Variants in PCNX2 observed in about 807,000 individuals in gnomAD.
PCNX2 encodes pecanex-like protein 2.
In PCNX2, 168 loss-of-function variants were observed where a neutral mutation model predicts 223.8. The ratio of observed to expected loss-of-function variants is 0.75; its 90% CI spans 0.66 to 0.85. PCNX2 has a LOEUF of 0.85. PCNX2 is among the 40% of genes least tolerant of loss of function. The pLI is 0.00. For missense variants in PCNX2, 2,507 were observed against 2,675.5 expected (o/e 0.94, Z 1.39); for synonymous variants, 1,006 against 1,052.6 (o/e 0.96, Z 0.86).
intron 8 of PCNX2, among the ~76,000 whole-genome samples, chr1:233,247,990 T>C (rs752777057): frequency 7.2e-5 from 11 of 151,818 alleles, no homozygotes; most frequent in Admixed American, 3.9e-4. Flanking sequence ...AAAGAGCAGA[T>C]AGTCAAAGAC....
Position 233,034,477 on chromosome 1 carries a change from C to T in PCNX2, c.4352-9078G>A, listed in dbSNP as rs533437947. The stretch of plus-strand genomic sequence containing the variant: ...AGAAATAAATGTTTGTTGTCTAAGC[C>T]GCCCAGTCTATGGTATAGTTGATGC... On this transcript the variant is annotated intron_variant, in intron 25 of 33. Coordinates refer to ENST00000258229, the MANE Select transcript of PCNX2 (RefSeq NM_014801.4). 7.9e-4 allele frequency among the ~76,000 whole-genome samples: 120 copies of T among 152,294 alleles called. 1 individual carries two copies. The highest frequency in any genetic ancestry group is 6.7e-3 in the Admixed American group (102 of 15,302).
At chr1:233,303,212 C>A in the PCNX2 span, among the ~76,000 whole-genome samples, 2 of 152,106 alleles carry the variant, frequency 1.3e-5, no homozygotes, top group Non-Finnish European at 2.9e-5. Flanking sequence ...AGAGGACTTT[C>A]TACAGAACTA....
In PCNX2 at chr1:233,057,231, C is replaced by A; in HGVS notation, c.4135+1G>T. 1.3e-6 allele frequency: 2 copies of A among 1,596,122 alleles called. No individual in the cohort carries two copies. Among genetic ancestry groups the A allele is most frequent in the Non-Finnish European group, 1.7e-6 (2 of 1,165,770 alleles). Reference sequence around the variant, plus strand: ...GAAAAAGAGAGAAGAGATCTTCTTACCTGGATCTCTTTCAATTTGGACTGC... The same window carrying A: ...GAAAAAGAGAGAAGAGATCTTCTTAACTGGATCTCTTTCAATTTGGACTGC... On this transcript the variant is annotated splice_donor_variant, in intron 24 of 33. Coordinates refer to ENST00000258229, the MANE Select transcript of PCNX2 (RefSeq NM_014801.4). LOFTEE classifies it high-confidence loss of function.
In PCNX2 at chr1:232,986,453, A is replaced by G. The variant is rs755131644; in HGVS notation, c.5879T>C (p.Leu1960Ser). ...CTGGAGGAATGTTTGGCGGCTCTCT[A>G]AGATGGGGCCAGATGAGCTCAGCAT... is the stretch of plus-strand genomic sequence containing the variant. ...PPMLSSSGPILESRQTFLQTS... is the reference protein window; with the variant it reads ...PPMLSSSGPISESRQTFLQTS... The change falls in exon 33 of 34, where the codon TTA (leucine) becomes TCA (serine). Residue 1960 changes from leucine (L) to serine (S), a missense_variant. Coordinates refer to ENST00000258229, the MANE Select transcript of PCNX2 (RefSeq NM_014801.4). 34 of 1,607,270 alleles carry G rather than the reference A, an allele frequency of 2.1e-5. No homozygotes were observed. The highest frequency in any genetic ancestry group is 2.8e-5 in the Non-Finnish European group (33 of 1,176,858).
chr1:233,274,377 T>C (rs949906802), intron 1 of PCNX2, among the ~76,000 whole-genome samples: 1 of 152,144 alleles, frequency 6.6e-6, no homozygotes, highest in Non-Finnish European at 1.5e-5. Flanking sequence ...ATCCCTCCAG[T>C]GGTGACAACC....
At chr1:233,103,503 T>C (rs1674606560) in intron 21 of PCNX2, among the ~76,000 whole-genome samples, 1 of 152,116 alleles carries the variant, frequency 6.6e-6, no homozygotes, top group Non-Finnish European at 1.5e-5. Context: ...TTGTTTTGAT[T>C]TGTACATCCC....
intron 23 of PCNX2, among the ~76,000 whole-genome samples, chr1:233,089,082 C>T (rs1673744639): frequency 6.6e-6 from 1 of 152,128 alleles, no homozygotes; most frequent in Admixed American, 6.5e-5. Context: ...TTTTATAAAC[C>T]ATCTCTCGGG....
chr1:233,059,113 A>T (rs1672305515), intron 23 of PCNX2, among the ~76,000 whole-genome samples: 1 of 151,776 alleles, frequency 6.6e-6, no homozygotes, highest in Non-Finnish European at 1.5e-5. Flanking sequence ...CTACTTAGGG[A>T]TCCCTTTCCA....
chr1:233,152,613 C>A (rs561287121), intron 19 of PCNX2, among the ~76,000 whole-genome samples: 51 of 152,158 alleles, frequency 3.4e-4, no homozygotes, highest in African/African-American at 1.0e-3. Context: ...TTAATTACTG[C>A]GCAAATTCTG....
chr1:233,179,126 C>A lies in PCNX2; in HGVS notation c.3116G>T (p.Gly1039Val), dbSNP rs775997416. Residue 1039 changes from glycine (G) to valine (V), a missense_variant, in exon 16 of 34, where the codon GGC becomes GTC. Gly to Val is a moderately radical substitution (Grantham distance 109). Transcript: ENST00000258229. The stretch of plus-strand genomic sequence containing the variant: ...ATGGTAAGAAAGGGCGACCAAGAGG[C>A]CACAGAAGGCCGAAAACAGTGCCGG... The part of the protein sequence containing the change: ...HIPALFSAFC[G>V]LLVALSYHLS... 9 of 1,613,760 alleles carry A rather than the reference C, an allele frequency of 5.6e-6. No homozygotes were observed. Among genetic ancestry groups the A allele is most frequent in the Non-Finnish European group, 7.6e-6 (9 of 1,179,830 alleles).
intron 23 of PCNX2, among the ~76,000 whole-genome samples, chr1:233,059,304 C>T (rs1217495879): frequency 6.6e-6 from 1 of 152,214 alleles, no homozygotes; most frequent in Non-Finnish European, 1.5e-5. Context: ...TCAATCATAA[C>T]AATGGCAGCT....
intron 25 of PCNX2, among the ~76,000 whole-genome samples, chr1:233,052,686 T>C (rs4649431): frequency 1 from 152,075 of 152,286 alleles, 75,933 homozygotes; most frequent in Middle Eastern, 1. Context: ...GGGGGCTTCA[T>C]TTCTGTATTC....
chr1:233,181,504 G>A (rs891203018), intron 15 of PCNX2, among the ~76,000 whole-genome samples: 1 of 152,078 alleles, frequency 6.6e-6, no homozygotes, highest in Non-Finnish European at 1.5e-5. Context: ...GCCAGTTGCT[G>A]ACATCTTTAA....
chr1:232,993,485 T>C (rs1178447687), intron 32 of PCNX2, among the ~76,000 whole-genome samples: 1 of 152,166 alleles, frequency 6.6e-6, no homozygotes, highest in East Asian at 1.9e-4. Context: ...AAGAGATGGT[T>C]TGGAAGTACA....
chr1:233,000,215 G>T lies in PCNX2; in HGVS notation c.5328+90C>A. On this transcript the variant is annotated intron_variant, in intron 30 of 33. Transcript: ENST00000258229. This position sits in a 1 kb window ranked among gnomAD's most constrained non-coding sequence, Gnocchi z 4.6. ...AGGATGCTGGCACAGAGACTCCTGT[G>T]TCAGTGCCCCCCTGCCCACCACCAT... The T allele has an allele frequency of 8.0e-7, 1 of 1,255,172 alleles. No individual in the cohort carries two copies. Among genetic ancestry groups the T allele is most frequent in the Non-Finnish European group, 1.2e-6 (1 of 857,470 alleles). 77.8% of individuals were successfully genotyped at this position (1,255,172 alleles called of 1,614,324 possible). A position where few individuals can be genotyped will look rare whatever the true frequency, so the allele number is the denominator to read the frequency against.
rs1252498837 is a variant in PCNX2, at chr1:233,001,763, A to G, written c.4953-82T>C. The G allele has an allele frequency of 1.6e-6, 2 of 1,277,050 alleles. No homozygotes were observed. Among genetic ancestry groups the G allele is most frequent in the Non-Finnish European group, 2.1e-6 (2 of 971,510 alleles). 79.1% of individuals were successfully genotyped at this position (1,277,050 alleles called of 1,614,324 possible). A position where few individuals can be genotyped will look rare whatever the true frequency, so the allele number is the denominator to read the frequency against. On this transcript the variant is annotated intron_variant, in intron 28 of 33. Coordinates refer to ENST00000258229, the MANE Select transcript of PCNX2 (RefSeq NM_014801.4). This position sits in a 1 kb window ranked among gnomAD's most constrained non-coding sequence, Gnocchi z 4.2. Reference sequence around the variant, plus strand: ...CAAAGTTTGAGTCTCCCATTTGTCTAAGAATTATCTTAACATTTAGGCTGA... The same window carrying G: ...CAAAGTTTGAGTCTCCCATTTGTCTGAGAATTATCTTAACATTTAGGCTGA...
At chr1:233,140,698 G>C (rs1317467722) in intron 19 of PCNX2, among the ~76,000 whole-genome samples, 2 of 152,186 alleles carry the variant, frequency 1.3e-5, no homozygotes, top group East Asian at 3.8e-4. Context: ...GGCGTGAGTG[G>C]TCAGAGCACA....
the PCNX2 span, among the ~76,000 whole-genome samples, chr1:233,319,039 A>C: frequency 6.6e-6 from 1 of 151,846 alleles, no homozygotes; most frequent in Non-Finnish European, 1.5e-5. Flanking sequence ...AACCCTCCTC[A>C]CTGATACCCA....
At position 233,198,941 on chromosome 1, in the gene PCNX2, T is replaced by G; in HGVS notation, c.3064A>C (p.Lys1022Gln). Residue 1022 changes from lysine to glutamine, a missense_variant and splice_region_variant, in exon 15 of 34, where the codon AAG becomes CAG. Transcript: ENST00000258229. Reference protein sequence around the residue: ...LLHAVCFSAVKEPWSMQHIPA... With the variant: ...LLHAVCFSAVQEPWSMQHIPA... ...GGGCCCATGGTCCTCACACCTACCT[T>G]CACTGCACTGAAGCAGACTGCGTGG... The G allele has an allele frequency of 1.2e-6, 2 of 1,602,588 alleles. No individual in the cohort carries two copies. The highest frequency in any genetic ancestry group is 1.7e-6 in the Non-Finnish European group (2 of 1,174,920).
Sources: gnomAD v4.1 joint callset for allele counts (sites outside exome capture counted in the v4.1 genomes callset) on GRCh38, gnomAD v4.1.1 for gene constraint, Gnocchi (gnomAD v3.1) non-coding constraint, MANE v1.5 for transcripts, NCBI Gene and HGNC (gene_info 2026-07-23, HGNC 2026-07-21) for gene names.